The following MYO18B variants were observed in gnomAD, a reference collection of about 807,000 sequenced individuals.
MYO18B encodes the protein unconventional myosin-XVIIIb.
Under a neutral mutation model 273.0 loss-of-function variants are expected in MYO18B, and 204 were observed. That is an observed-to-expected ratio of 0.75 (90% confidence interval 0.67 to 0.84). MYO18B has a LOEUF of 0.84. Ranked by LOEUF, MYO18B falls within the 40% of genes least tolerant of loss-of-function variation. MYO18B has a pLI of 0.00. For synonymous variants in MYO18B, 1,330 were observed against 1,305.7 expected (o/e 1.02, Z -0.40); for missense variants, 3,212 against 3,287.6 (o/e 0.98, Z 0.56).
intron 39 of MYO18B, among the ~76,000 whole-genome samples, chr22:25,987,610 G>A (rs1044868092): frequency 3.3e-5 from 5 of 152,118 alleles, no homozygotes; most frequent in East Asian, 1.9e-4. Context: ...CATGTATTGA[G>A]TACCTCCTGT....
Position 25,777,717 on chromosome 22 carries a change from C to T in MYO18B, c.2004C>T (p.Thr668=). 1 of 1,611,840 alleles carries T rather than the reference C, an allele frequency of 6.2e-7. No homozygotes were observed. ...ALGWSGAGKT[T]CCEQVLEHLV... is the part of the protein sequence containing the mutation. ...GCTGGAGTGGCGCTGGGAAGACCACCTGCTGTGAGCAGGTCCTGGAACACC... is the reference window on the plus strand; with the variant it reads ...GCTGGAGTGGCGCTGGGAAGACCACTTGCTGTGAGCAGGTCCTGGAACACC... The change falls in exon 8 of 44, where the codon ACC becomes ACT. Residue 668 remains threonine (T), a synonymous_variant. Transcript: ENST00000335473.
chr22:25,751,389 C>G (rs750842294), intron 1 of MYO18B, among the ~76,000 whole-genome samples: 24 of 152,360 alleles, frequency 1.6e-4, no homozygotes, highest in Admixed American at 3.3e-4. Context: ...CCAGTGCCCC[C>G]TGCACACTCT....
At chr22:25,965,446 G>C (rs1422546299) in intron 39 of MYO18B, among the ~76,000 whole-genome samples, 2 of 152,182 alleles carry the variant, frequency 1.3e-5, no homozygotes, top group Non-Finnish European at 2.9e-5. Flanking sequence ...GATCGGGGCG[G>C]TGATGTGCTG....
At chr22:25,813,881 A>G (rs5996979) in intron 12 of MYO18B, among the ~76,000 whole-genome samples, 52,243 of 151,788 alleles carry the variant, frequency 0.34, 9,518 homozygotes, top group African/African-American at 0.47. Flanking sequence ...ACGGCTGCAG[A>G]CCCTGCATCC....
At chr22:26,003,894 A>C (rs1170784870) in intron 41 of MYO18B, among the ~76,000 whole-genome samples, 1 of 151,946 alleles carries the variant, frequency 6.6e-6, no homozygotes, top group Non-Finnish European at 1.5e-5. Context: ...TACCATTACT[A>C]ATGCTTTATA....
the MYO18B span, among the ~76,000 whole-genome samples, chr22:26,043,099 A>G: frequency 2.6e-5 from 4 of 152,312 alleles, no homozygotes; most frequent in Non-Finnish European, 4.4e-5. Context: ...CCTGATTTGT[A>G]TCGTCATAGG....
At chr22:25,973,707 G>T (rs1360441061) in intron 39 of MYO18B, among the ~76,000 whole-genome samples, 2 of 152,162 alleles carry the variant, frequency 1.3e-5, no homozygotes, top group African/African-American at 4.8e-5. Context: ...CAGCAGGCAT[G>T]ATCTCAAACA....
rs776692291 is a variant in MYO18B, at chr22:25,763,223, C to G, written c.40-8C>G. 6 of 1,608,044 alleles carry G rather than the reference C, an allele frequency of 3.7e-6. No homozygotes were observed. On this transcript the variant is annotated splice_polypyrimidine_tract_variant and splice_region_variant and intron_variant, in intron 2 of 43. Coordinates refer to ENST00000335473, the MANE Select transcript of MYO18B (RefSeq NM_032608.7). ...TGAGCTCTCTCTTTCCTTGCTTCTG[C>G]AAAACAGATTCGGGAAGAGGACAAG...
intron 34 of MYO18B, among the ~76,000 whole-genome samples, chr22:25,933,419 A>G (rs2146516159): frequency 6.6e-6 from 1 of 152,270 alleles, no homozygotes; most frequent in African/African-American, 2.4e-5. Flanking sequence ...AAGGGTGATG[A>G]ACCAAATGCC....
chr22:26,033,211 G>A (rs1006377752), downstream of MYO18B, among the ~76,000 whole-genome samples: 3 of 152,096 alleles, frequency 2.0e-5, no homozygotes, highest in South Asian at 2.1e-4. Context: ...TCATGTGCCA[G>A]TAATATTATT....
chr22:26,020,067 G>A (rs972533220), intron 42 of MYO18B, among the ~76,000 whole-genome samples: 4 of 152,108 alleles, frequency 2.6e-5, no homozygotes, highest in African/African-American at 9.7e-5. Flanking sequence ...GCCCACCAGG[G>A]TTCAAATGCA....
intron 20 of MYO18B, among the ~76,000 whole-genome samples, chr22:25,849,212 G>A (rs1045172866): frequency 7.2e-5 from 11 of 152,164 alleles, no homozygotes; most frequent in African/African-American, 2.4e-4. Flanking sequence ...GGGTCAGGGT[G>A]TCCCGTTCCT....
chr22:26,013,170 T>G (rs1327510618), intron 42 of MYO18B, among the ~76,000 whole-genome samples: 1 of 152,216 alleles, frequency 6.6e-6, no homozygotes, highest in Non-Finnish European at 1.5e-5. Flanking sequence ...CATTGCTCTA[T>G]AGTCTATGTC....
chr22:25,944,364 AAG>A (rs778924062), intron 34 of MYO18B, among the ~76,000 whole-genome samples: 1 of 152,128 alleles, frequency 6.6e-6, no homozygotes, highest in African/African-American at 2.4e-5. Flanking sequence ...GGGGCTGGAA[AAG>A]GGGGTTTTGT....
chr22:26,029,416 C>T (rs921507429), intron 43 of MYO18B, among the ~76,000 whole-genome samples: 4 of 152,148 alleles, frequency 2.6e-5, no homozygotes, highest in African/African-American at 9.7e-5. Context: ...ACTAATTTGA[C>T]TTAACATGGC....
chr22:25,845,977 G>A, intron 18 of MYO18B, 123 bp from the exon 19 acceptor site: 2 of 820,516 alleles, frequency 2.4e-6, no homozygotes, highest in Non-Finnish European at 3.6e-6. Context: ...CATGACTGTA[G>A]AGGAGGCTTT....
Position 25,770,092 on chromosome 22 carries a change from C to T in MYO18B, c.1513-18C>T, listed in dbSNP as rs141574941. On this transcript the variant is annotated intron_variant, in intron 4 of 43. Coordinates refer to ENST00000335473, the MANE Select transcript of MYO18B (RefSeq NM_032608.7). ...CGGTGCCATTTGCTGGTTTAATTTACGTGATGTTGGTTCTCAGGCTCCTGA... is the reference window on the plus strand; with the variant it reads ...CGGTGCCATTTGCTGGTTTAATTTATGTGATGTTGGTTCTCAGGCTCCTGA... 8.9e-5 allele frequency: 143 copies of T among 1,613,558 alleles called. No homozygotes were observed. The East Asian group carries it at 1.6e-3, about 18-fold the overall frequency.
intron 11 of MYO18B, among the ~76,000 whole-genome samples, chr22:25,788,761 C>T (rs1268528218): frequency 6.6e-6 from 1 of 152,172 alleles, no homozygotes; most frequent in Non-Finnish European, 1.5e-5. Flanking sequence ...ATGATTAATT[C>T]TGCTTCTGTT....
Position 25,874,277 on chromosome 22 carries a change from T to C in MYO18B, c.3952-9T>C. The C allele has an allele frequency of 4.3e-6, 7 of 1,613,642 alleles. No individual in the cohort carries two copies. The highest frequency in any genetic ancestry group is 5.9e-6 in the Non-Finnish European group (7 of 1,179,782). On this transcript the variant is annotated splice_polypyrimidine_tract_variant and intron_variant, in intron 22 of 43. Transcript: ENST00000335473. ...CAGAGGACTCACCTGAAACCTTCCC[T>C]CTCCCCAGGTTTTTCTCAAGGCAGG... is the stretch of plus-strand genomic sequence containing the variant.
Sources: gnomAD v4.1 joint callset for allele counts (sites outside exome capture counted in the v4.1 genomes callset) on GRCh38, gnomAD v4.1.1 for gene constraint, MANE v1.5 for transcripts, NCBI Gene and HGNC (gene_info 2026-07-23, HGNC 2026-07-21) for gene names.